NRG1: variants seen among roughly 807,000 people sequenced by gnomAD.
NRG1 encodes neuregulin 1.
In NRG1, 18 loss-of-function variants were observed where a neutral mutation model predicts 63.8. That is an observed-to-expected ratio of 0.28 (90% CI 0.19 to 0.42). The LOEUF is 0.42. Among genes scored for constraint, NRG1 ranks in the 10% least tolerant of loss-of-function variants. The pLI, the probability that NRG1 is intolerant of heterozygous loss-of-function variation, is 1.00. For synonymous variants in NRG1, 302 were observed against 301.3 expected (o/e 1.00, Z -0.02); for missense variants, 762 against 814.7 (o/e 0.94, Z 0.79).
chr8:31,721,910 C>T (rs905267796), intron 1 of NRG1, among the ~76,000 whole-genome samples: 1 of 152,108 alleles, frequency 6.6e-6, no homozygotes, highest in Admixed American at 6.6e-5. Context: ...ACCAGAATTC[C>T]TCCTGTGTGA....
intron 1 of NRG1, among the ~76,000 whole-genome samples, chr8:32,354,796 T>C (rs1291255053): frequency 3.9e-5 from 3 of 77,110 alleles, no homozygotes; most frequent in South Asian, 5.1e-4. Flanking sequence ...GAAGCTGCTT[T>C]TTTTAAAAAA....
At chr8:32,344,419 ATGTGTGTG>A (rs397956518) in intron 1 of NRG1, among the ~76,000 whole-genome samples, 21 of 57,414 alleles carry the variant, frequency 3.7e-4, no homozygotes, top group South Asian at 8.2e-4. Context: ...GCGTGCATGC[ATGTGTGTG>A]TGTGTGTGTG....
rs906816087 is a variant in NRG1, at chr8:31,866,907, G to A, written c.37+227476G>A. Among the ~76,000 whole-genome samples the A allele has an allele frequency of 2.6e-5, 4 of 152,140 alleles. No homozygotes were observed. In the East Asian group the frequency reaches 7.7e-4, roughly 29 times the overall value. On this transcript the variant is annotated intron_variant, in intron 1 of 10. Coordinates refer to the NRG1 transcript ENST00000519301. ...TTGTCTAGGTAATGCATTTTAGGAG[G>A]GCACTGTTCCTCCCAGAACTTAGGA...
chr8:32,215,971 G>A (rs2132431419), intron 1 of NRG1, among the ~76,000 whole-genome samples: 1 of 152,050 alleles, frequency 6.6e-6, no homozygotes, highest in African/African-American at 2.4e-5. Context: ...AACCTGGGAA[G>A]CAGAGGTTGC....
chr8:32,631,205 TACTC>T (rs1400560861), intron 5 of NRG1, among the ~76,000 whole-genome samples: 1 of 152,106 alleles, frequency 6.6e-6, no homozygotes, highest in Non-Finnish European at 1.5e-5. Context: ...AAAAAGCAAA[TACTC>T]AAGAAAGATA....
intron 1 of NRG1, among the ~76,000 whole-genome samples, chr8:31,812,038 C>T (rs972246602): frequency 6.6e-6 from 1 of 152,094 alleles, no homozygotes; most frequent in Non-Finnish European, 1.5e-5. Flanking sequence ...TATGTGGGTG[C>T]TCAGAGTATC....
chr8:32,254,855 C>G lies in NRG1; in HGVS notation c.38-340973C>G, dbSNP rs137872806. Among the ~76,000 whole-genome samples the G allele has an allele frequency of 7.4e-4, 113 of 152,262 alleles. No homozygotes were observed. In the Middle Eastern group the frequency reaches 0.014, roughly 18 times the overall value. On this transcript the variant is annotated intron_variant, in intron 1 of 10. Coordinates refer to the NRG1 transcript ENST00000519301. ...ACTTGCTTTATGAATCTGGGTGCTC[C>G]TCATATTGGGAATCTGGTTGCTCCT... is the stretch of plus-strand genomic sequence containing the variant.
intron 1 of NRG1, among the ~76,000 whole-genome samples, chr8:32,478,300 G>A (rs1166551940): frequency 6.6e-6 from 1 of 152,184 alleles, no homozygotes. Flanking sequence ...GCCCTTTTAG[G>A]TGATTCTCAG....
At chr8:32,321,527 T>C (rs1033936020) in intron 1 of NRG1, among the ~76,000 whole-genome samples, 3 of 149,004 alleles carry the variant, frequency 2.0e-5, no homozygotes, top group African/African-American at 7.3e-5. Context: ...TTTTTTCTTC[T>C]TCTTCTTTTT....
intron 2 of NRG1, among the ~76,000 whole-genome samples, chr8:32,596,857 T>C (rs1478651020): frequency 6.6e-6 from 1 of 152,116 alleles, no homozygotes; most frequent in Admixed American, 6.5e-5. Context: ...ATTTTAAAAT[T>C]AGGTAATCTT....
At chr8:32,121,938 C>A (rs1270998407) in intron 1 of NRG1, among the ~76,000 whole-genome samples, 1 of 152,008 alleles carries the variant, frequency 6.6e-6, no homozygotes, top group Admixed American at 6.6e-5. Flanking sequence ...GCATTAAAAT[C>A]ATGAAAAACT....
chr8:32,208,014 G>T (rs977900893), intron 1 of NRG1, among the ~76,000 whole-genome samples: 1 of 152,292 alleles, frequency 6.6e-6, no homozygotes, highest in East Asian at 1.9e-4. Context: ...AATGGTTTAG[G>T]AAATGAGACA....
intron 1 of NRG1, among the ~76,000 whole-genome samples, chr8:32,027,253 A>C (rs890323087): frequency 6.6e-6 from 1 of 152,150 alleles, no homozygotes; most frequent in Non-Finnish European, 1.5e-5. Flanking sequence ...CCAAACAATG[A>C]ATATTTCTTT....
At chr8:31,762,014 A>G (rs1817613013) in intron 1 of NRG1, among the ~76,000 whole-genome samples, 1 of 152,214 alleles carries the variant, frequency 6.6e-6, no homozygotes, top group Non-Finnish European at 1.5e-5. Flanking sequence ...AACGTCTTTG[A>G]CAATTTTTTT....
chr8:31,770,342 T>A (rs1818484960), intron 1 of NRG1, among the ~76,000 whole-genome samples: 1 of 152,152 alleles, frequency 6.6e-6, no homozygotes, highest in South Asian at 2.1e-4. Context: ...GTTTTGTCAT[T>A]TATCCTGGTA....
At chr8:31,880,702 C>T (rs974796196) in intron 1 of NRG1, among the ~76,000 whole-genome samples, 19 of 152,152 alleles carry the variant, frequency 1.2e-4, no homozygotes, top group Non-Finnish European at 2.5e-4. Flanking sequence ...TAAGTAATCA[C>T]CTGGAACAAG....
intron 1 of NRG1, among the ~76,000 whole-genome samples, chr8:32,492,880 G>A (rs991546322): frequency 2.0e-5 from 3 of 152,092 alleles, no homozygotes; most frequent in African/African-American, 7.2e-5. Flanking sequence ...AGGCTGGGGG[G>A]TTAAATTCAT....
chr8:32,588,113 C>T (rs964894742), intron 1 of NRG1, among the ~76,000 whole-genome samples: 27 of 151,684 alleles, frequency 1.8e-4, no homozygotes, highest in African/African-American at 6.5e-4. Context: ...GTAGAGATGG[C>T]GTTTCACCAT....
intron 1 of NRG1, among the ~76,000 whole-genome samples, chr8:32,522,808 CTT>C (rs56103865): frequency 4.4e-4 from 61 of 139,332 alleles, no homozygotes; most frequent in Non-Finnish European, 5.5e-4. Context: ...CCCAATTTGC[CTT>C]TTTTTTTTTT....
Sources: gnomAD v4.1 joint callset for allele counts (sites outside exome capture counted in the v4.1 genomes callset) on GRCh38, gnomAD v4.1.1 for gene constraint, MANE v1.5 for transcripts, NCBI Gene and HGNC (gene_info 2026-07-23, HGNC 2026-07-21) for gene names.